PRKACB: variants seen among roughly 807,000 people sequenced by gnomAD.
The protein encoded by PRKACB is protein kinase cAMP-activated catalytic subunit beta, also known as cAMP-dependent protein kinase catalytic subunit beta.
In PRKACB, 16 loss-of-function variants were observed where a neutral mutation model predicts 51.4. The observed-to-expected ratio is 0.31, with a 90% confidence interval of 0.21 to 0.47. PRKACB has a LOEUF of 0.47. Ranked by LOEUF, PRKACB falls within the 20% of genes least tolerant of loss-of-function variation. The pLI is 1.00. For missense variants in PRKACB, 309 were observed against 464.5 expected, an observed-to-expected ratio of 0.67 and a Z score of 3.08; for synonymous variants, 147 against 154.4, an observed-to-expected ratio of 0.95 and a Z score of 0.35.
intron 1 of PRKACB, among the ~76,000 whole-genome samples, chr1:84,145,581 AT>A (rs1346139471): frequency 1.3e-5 from 2 of 152,040 alleles, no homozygotes; most frequent in Non-Finnish European, 2.9e-5. Context: ...TAAATCAGAA[AT>A]TTTTTTACAT....
intron 9 of PRKACB, among the ~76,000 whole-genome samples, chr1:84,233,101 C>T (rs1676019034): frequency 6.6e-6 from 1 of 151,690 alleles, no homozygotes; most frequent in African/African-American, 2.4e-5. Flanking sequence ...TCTTTTAGGG[C>T]AGGCCTGGTG....
At chr1:84,138,316 T>C (rs567887958) in intron 1 of PRKACB, among the ~76,000 whole-genome samples, 2 of 152,232 alleles carry the variant, frequency 1.3e-5, no homozygotes, top group South Asian at 2.1e-4. Flanking sequence ...ATGGAATAAT[T>C]TGACCAACAA....
chr1:84,214,074 A>G, intron 8 of PRKACB, 79 bp from the exon 9 acceptor site: 3 of 1,409,898 alleles, frequency 2.1e-6, no homozygotes, highest in Non-Finnish European at 2.8e-6. Context: ...GTTGCCTTGA[A>G]AAAAAAACTT....
intron 1 of PRKACB, among the ~76,000 whole-genome samples, chr1:84,093,354 T>C (rs961804328): frequency 6.6e-6 from 1 of 152,030 alleles, no homozygotes; most frequent in Non-Finnish European, 1.5e-5. Flanking sequence ...CAGTATTTAT[T>C]TGACACATCA....
At chr1:84,195,418 C>T (rs1221707883) in intron 5 of PRKACB, among the ~76,000 whole-genome samples, 1 of 152,258 alleles carries the variant, frequency 6.6e-6, no homozygotes. Context: ...TCATACCAAC[C>T]ATCTTGAGGG....
intron 7 of PRKACB, among the ~76,000 whole-genome samples, chr1:84,202,032 T>C (rs940845914): frequency 8.5e-5 from 13 of 152,190 alleles, no homozygotes; most frequent in Admixed American, 1.3e-4. Context: ...TGTGAATTCA[T>C]TTTTTTCCTG....
At chr1:84,232,913 A>G (rs1372152485) in intron 9 of PRKACB, among the ~76,000 whole-genome samples, 3 of 151,862 alleles carry the variant, frequency 2.0e-5, no homozygotes, top group South Asian at 2.1e-4. Flanking sequence ...GTCCATTTAC[A>G]TTTAAAGTTA....
At chr1:84,205,841 A>G (rs893176830) in intron 8 of PRKACB, among the ~76,000 whole-genome samples, 1 of 152,148 alleles carries the variant, frequency 6.6e-6, no homozygotes. Context: ...TAAATGTCAC[A>G]TTATTCATGC....
intron 1 of PRKACB, among the ~76,000 whole-genome samples, chr1:84,118,133 T>C (rs1650779509): frequency 6.6e-6 from 1 of 152,174 alleles, no homozygotes; most frequent in African/African-American, 2.4e-5. Flanking sequence ...ATGGTAGAGA[T>C]GTGAACTGCT....
At chr1:84,092,417 A>G (rs1241243052) in intron 1 of PRKACB, among the ~76,000 whole-genome samples, 1 of 152,172 alleles carries the variant, frequency 6.6e-6, no homozygotes, top group Admixed American at 6.5e-5. Flanking sequence ...TCTATGGTTG[A>G]TGTAAATTTG....
chr1:84,184,267 G>A (rs936521045), intron 4 of PRKACB, 132 bp downstream of exon 4: 24 of 709,588 alleles, frequency 3.4e-5, no homozygotes, highest in Non-Finnish European at 4.0e-5. Flanking sequence ...TCTAGAGTTT[G>A]TGTAATTAAA....
chr1:84,237,305 A>G lies in PRKACB; in HGVS notation c.*2000A>G, dbSNP rs1676743904. ...GCTGACCAATGTGTTCTATATGTAA[A>G]CTACAAATTCTATGGTAGCTTTGTT... is the stretch of plus-strand genomic sequence containing the variant. On this transcript the variant is annotated 3_prime_UTR_variant, in exon 10 of 10. Coordinates refer to ENST00000370685, the MANE Select transcript of PRKACB (RefSeq NM_182948.4). 1 of 152,626 alleles carries G rather than the reference A, an allele frequency of 6.6e-6. No homozygotes were observed. Among genetic ancestry groups the G allele is most frequent in the Non-Finnish European group, 1.5e-5 (1 of 67,998 alleles). The allele number at this position is 152,626 out of a possible 1,614,324, so 9.5% of individuals were successfully genotyped here.
At chr1:84,186,430 G>T (rs958983798) in intron 5 of PRKACB, among the ~76,000 whole-genome samples, 5 of 152,028 alleles carry the variant, frequency 3.3e-5, no homozygotes, top group Non-Finnish European at 5.9e-5. Flanking sequence ...TGTTGGCCAG[G>T]CTGGTCTCGA....
chr1:84,131,429 A>G (rs1362239435), intron 1 of PRKACB, among the ~76,000 whole-genome samples: 5 of 152,174 alleles, frequency 3.3e-5, no homozygotes, highest in Non-Finnish European at 5.9e-5. Context: ...AAAAAAGGGA[A>G]AAAAGCAACT....
chr1:84,181,535 T>G, intron 2 of PRKACB: 1 of 498,858 alleles, frequency 2.0e-6, no homozygotes, highest in East Asian at 3.5e-5. Context: ...AAGAGTCTGA[T>G]TATTGTTCTG....
intron 1 of PRKACB, among the ~76,000 whole-genome samples, chr1:84,081,610 G>T (rs1647535947): frequency 6.8e-6 from 1 of 146,150 alleles, no homozygotes; most frequent in East Asian, 2.0e-4. Context: ...TTAAACTCTT[G>T]TCAGTTAAGT....
At chr1:84,115,886 CAAAAAAAAAAAAA>C (rs60541006) in intron 1 of PRKACB, among the ~76,000 whole-genome samples, 4 of 63,832 alleles carry the variant, frequency 6.3e-5, no homozygotes, top group African/African-American at 2.1e-4. Flanking sequence ...ACTCTTGTCT[CAAAAAAAAAAAAA>C]AAAAAAAAAA....
intron 9 of PRKACB, among the ~76,000 whole-genome samples, chr1:84,217,562 C>G: frequency 1.3e-5 from 1 of 74,540 alleles, no homozygotes; most frequent in South Asian, 4.8e-4. Context: ...TAGGAGTCCA[C>G]AGTGGGAAGA....
rs555671411 is a variant in PRKACB at position 84,103,363 on chromosome 1, G to C, written c.46+24992G>C. Among the ~76,000 whole-genome samples, 13 of 149,330 alleles carry C rather than the reference G, an allele frequency of 8.7e-5. No homozygotes were observed. In the East Asian group the frequency reaches 2.4e-3, roughly 27 times the overall value. ...GCTATGCAAGAAGTCTGACTATTCT[G>C]AGACCAACATGCTGTTCAAAGCCCA... On this transcript the variant is annotated intron_variant, in intron 1 of 8. Coordinates refer to the PRKACB transcript ENST00000370688.
Sources: allele counts gnomAD v4.1 joint callset (sites outside exome capture counted in the v4.1 genomes callset), GRCh38; gene constraint gnomAD v4.1.1; transcripts MANE v1.5; gene names NCBI Gene and HGNC (gene_info 2026-07-23, HGNC 2026-07-21).